The following HERC1 variants were observed in gnomAD, a reference collection of about 807,000 sequenced individuals.
The protein encoded by HERC1 is HECT and RLD domain containing E3 ubiquitin protein ligase family member 1.
HERC1 carries 160 observed loss-of-function variants against 554.3 expected under a neutral mutation model. That is an observed-to-expected ratio of 0.29 (90% CI 0.25 to 0.33). The LOEUF (loss-of-function observed/expected upper bound fraction) is 0.33. Among genes scored for constraint, HERC1 ranks in the 10% least tolerant of loss-of-function variants. The pLI is 1.00. For synonymous variants in HERC1, 2,175 were observed against 2,131.7 expected, an observed-to-expected ratio of 1.02 and a Z score of -0.56; for missense variants, 4,919 against 5,918.5, an observed-to-expected ratio of 0.83 and a Z score of 5.54.
chr15:63,633,168 T>A (rs1028067524), intron 67 of HERC1, among the ~76,000 whole-genome samples: 20 of 152,242 alleles, frequency 1.3e-4, no homozygotes, highest in African/African-American at 4.8e-4. Context: ...CAATAACTGC[T>A]TTATATGTTC....
At chr15:63,732,863 C>A in intron 14 of HERC1, 61 bp downstream of exon 14, 1 of 1,108,062 alleles carries the variant, frequency 9.0e-7, no homozygotes, top group Non-Finnish European at 1.3e-6. Flanking sequence ...GTCAAAATAC[C>A]TTGACTAAAG....
intron 1 of HERC1, among the ~76,000 whole-genome samples, chr15:63,788,985 A>G (rs979119689): frequency 6.6e-6 from 1 of 151,770 alleles, no homozygotes; most frequent in Non-Finnish European, 1.5e-5. Context: ...AACATTAACC[A>G]ATTTCATGTT....
In HERC1 at chr15:63,734,955, A is replaced by G; in HGVS notation, c.2521-106T>C. The G allele has an allele frequency of 1.1e-6, 1 of 924,618 alleles. No individual in the cohort carries two copies. The highest frequency in any genetic ancestry group is 1.6e-6 in the Non-Finnish European group (1 of 627,922). The allele number at this position is 924,618 out of a possible 1,614,324, so 57.3% of individuals were successfully genotyped here. ...CTACTAGGATCATGTAAGTCTAAAAAAGATGGCATGATAAAAAAGAAAGCA... is the reference window on the plus strand; with the variant it reads ...CTACTAGGATCATGTAAGTCTAAAAGAGATGGCATGATAAAAAAGAAAGCA... On this transcript the variant is annotated intron_variant, in intron 12 of 77. Transcript: ENST00000443617. This position sits in a 1 kb window ranked among gnomAD's most constrained non-coding sequence, Gnocchi z 4.6.
In HERC1 at chr15:63,645,034, C is replaced by A. The variant is rs1349764156; in HGVS notation, c.11142G>T (p.Val3714=). The change falls in exon 57 of 78, where the codon GTG becomes GTT. Residue 3714 remains valine, a synonymous_variant. Coordinates refer to ENST00000443617, the MANE Select transcript of HERC1 (RefSeq NM_003922.4). ...RIPQDTTQTN[V]TSAEGWWEQE... The stretch of plus-strand genomic sequence containing the variant: ...GCTCCCACCATCCTTCTGCACTAGT[C>A]ACATTGGTCTGTGTAGTATCTTGAG... The A allele has an allele frequency of 6.2e-7, 1 of 1,613,768 alleles. No homozygotes were observed. The highest frequency in any genetic ancestry group is 8.5e-7 in the Non-Finnish European group (1 of 1,179,748).
At chr15:63,809,804 AAG>A (rs1405649235) in intron 1 of HERC1, among the ~76,000 whole-genome samples, 2 of 147,328 alleles carry the variant, frequency 1.4e-5, no homozygotes, top group African/African-American at 5.0e-5. Flanking sequence ...AAAAAAAAAA[AAG>A]TAATAAAAGC....
At chr15:63,658,769 T>C in intron 47 of HERC1, 51 bp from the exon 48 acceptor site, 1 of 1,413,980 alleles carries the variant, frequency 7.1e-7, no homozygotes. Flanking sequence ...AAAAAATACA[T>C]CTGAACTACT....
chr15:63,661,673 C>A, intron 45 of HERC1, 80 bp downstream of exon 45: 2 of 1,428,294 alleles, frequency 1.4e-6, no homozygotes, highest in Non-Finnish European at 1.9e-6. Context: ...TAACTCCTCA[C>A]GTGAAAAATC....
At chr15:63,627,190 G>C (rs1345912937) in intron 70 of HERC1, among the ~76,000 whole-genome samples, 1 of 152,094 alleles carries the variant, frequency 6.6e-6, no homozygotes, top group Non-Finnish European at 1.5e-5. Context: ...CATCTACCTG[G>C]AATTCCCACT....
chr15:63,799,621 G>A (rs573964111), intron 1 of HERC1, among the ~76,000 whole-genome samples: 2 of 152,274 alleles, frequency 1.3e-5, no homozygotes, highest in Non-Finnish European at 2.9e-5. Context: ...TAGTAGTGGA[G>A]ATCAGTTATT....
chr15:63,712,631 G>T, intron 24 of HERC1, 144 bp downstream of exon 24: 1 of 602,686 alleles, frequency 1.7e-6, no homozygotes, highest in Non-Finnish European at 2.8e-6. Flanking sequence ...AAACATATAT[G>T]CAATATAGTT....
intron 1 of HERC1, among the ~76,000 whole-genome samples, chr15:63,822,478 C>T (rs1353631386): frequency 1.3e-5 from 2 of 151,496 alleles, no homozygotes; most frequent in Non-Finnish European, 2.9e-5. Flanking sequence ...CCCAGCAACT[C>T]GGGAGGCTGA....
At position 63,734,564 on chromosome 15, in the gene HERC1, C is replaced by T; in HGVS notation, c.2646+160G>A. The T allele has an allele frequency of 2.0e-6, 1 of 504,952 alleles. No homozygotes were observed. Among genetic ancestry groups the T allele is most frequent in the South Asian group, 4.0e-5 (1 of 24,714 alleles). 31.3% of individuals were successfully genotyped at this position (504,952 alleles called of 1,614,324 possible). On this transcript the variant is annotated intron_variant, in intron 13 of 77. Coordinates refer to ENST00000443617, the MANE Select transcript of HERC1 (RefSeq NM_003922.4). The surrounding 1 kb of genome is among the most constrained non-coding windows in gnomAD (Gnocchi z 4.6). Reference sequence around the variant, plus strand: ...CTTAATAAATTATCACTTGCTTCACCTAAGGTTGTTAAGACAACTGGGAAT... The same window carrying T: ...CTTAATAAATTATCACTTGCTTCACTTAAGGTTGTTAAGACAACTGGGAAT...
chr15:63,757,983 C>G (rs1213355000), intron 4 of HERC1, among the ~76,000 whole-genome samples, 192 bp downstream of exon 4: 1 of 152,198 alleles, frequency 6.6e-6, no homozygotes, highest in African/African-American at 2.4e-5. Flanking sequence ...GCTGGGATTA[C>G]AGGCGTGAGC....
At chr15:63,682,434 T>C (rs900645270) in intron 34 of HERC1, among the ~76,000 whole-genome samples, 1 of 152,172 alleles carries the variant, frequency 6.6e-6, no homozygotes, top group Non-Finnish European at 1.5e-5. Context: ...TAGCTTGTAG[T>C]TGCTCTCTCC....
chr15:63,727,520 AT>A lies in HERC1; in HGVS notation c.3346+126del. On this transcript the variant is annotated intron_variant, in intron 17 of 77. Coordinates refer to ENST00000443617, the MANE Select transcript of HERC1 (RefSeq NM_003922.4). The surrounding 1 kb of genome is among the most constrained non-coding windows in gnomAD (Gnocchi z 4.3). Reference sequence around the variant, plus strand: ...TACTTAAATTTGAAAAGCTTTTAAGATTTCAGTGATGAAATTCCTTTGATAG... The same window carrying A: ...TACTTAAATTTGAAAAGCTTTTAAGATTCAGTGATGAAATTCCTTTGATAG... 1.6e-6 allele frequency: 1 copy of A among 624,456 alleles called. No individual in the cohort carries two copies. 38.7% of individuals were successfully genotyped at this position (624,456 alleles called of 1,614,324 possible).
chr15:63,801,691 A>G (rs941769574), intron 1 of HERC1, among the ~76,000 whole-genome samples: 1 of 152,214 alleles, frequency 6.6e-6, no homozygotes, highest in Non-Finnish European at 1.5e-5. Context: ...TATTGAATAT[A>G]ATTTAATCTC....
chr15:63,683,066 G>A (rs1475213755), intron 34 of HERC1, among the ~76,000 whole-genome samples: 2 of 150,732 alleles, frequency 1.3e-5, no homozygotes, highest in Non-Finnish European at 3.0e-5. Context: ...AAACTGGCAG[G>A]TGGAGGTTGC....
At chr15:63,720,238 G>C (rs1436727169) in intron 19 of HERC1, among the ~76,000 whole-genome samples, 2 of 151,426 alleles carry the variant, frequency 1.3e-5, no homozygotes, top group African/African-American at 4.9e-5. Context: ...TAAGTAGCTA[G>C]AGTTACAGGC....
rs1438598850 is a variant in HERC1, at chr15:63,706,824, C to G, written c.4592G>C (p.Arg1531Thr). 6.5e-7 allele frequency: 1 copy of G among 1,538,586 alleles called. No homozygotes were observed. Among genetic ancestry groups the G allele is most frequent in the South Asian group, 1.2e-5 (1 of 82,262 alleles). ...TGCCAAATCCAAATCAACATTTCGT[C>G]TGCCACTCTATTAAAAGTAAAAAGT... Reference protein sequence around the residue: ...SDEEGYALSGRRNVDLDLAAS... With the variant: ...SDEEGYALSGTRNVDLDLAAS... The change falls in exon 25 of 78, where the codon AGA becomes ACA. Residue 1531 changes from arginine (R) to threonine (T), a missense_variant. This residue lies in a region of HERC1 where 1,121 missense variants were observed against 1,244.0 expected (regional missense o/e 0.90). Transcript: ENST00000443617.
Sources: gnomAD v4.1 joint callset for allele counts (sites outside exome capture counted in the v4.1 genomes callset) on GRCh38, gnomAD v4.1.1 for gene constraint, gnomAD v4.1.1 regional missense constraint, Gnocchi (gnomAD v3.1) non-coding constraint, MANE v1.5 for transcripts, NCBI Gene and HGNC (gene_info 2026-07-23, HGNC 2026-07-21) for gene names.